The following MAP3K7 variants were observed in gnomAD, a reference collection of about 807,000 sequenced individuals.
MAP3K7 encodes the protein TGF-beta activated kinase 1.
Under a neutral mutation model 84.8 loss-of-function variants are expected in MAP3K7, and 21 were observed. The ratio of observed to expected loss-of-function variants is 0.25; its 90% CI spans 0.18 to 0.36. The LOEUF (loss-of-function observed/expected upper bound fraction) is 0.36. Ranked by LOEUF, MAP3K7 falls within the 10% of genes least tolerant of loss-of-function variation. MAP3K7 has a pLI of 1.00. For missense variants in MAP3K7, 503 were observed against 747.7 expected, an observed-to-expected ratio of 0.67 and a Z score of 3.82; for synonymous variants, 241 against 247.7, an observed-to-expected ratio of 0.97 and a Z score of 0.25.
In MAP3K7 at chr6:90,516,390, A is replaced by T; in HGVS notation, c.*111T>A. Reference sequence around the variant, plus strand: ...AATGCAGCAAATATAGGCAGTTGGCATTCAGAACACGCCAAAAAGCTAACA... The same window carrying T: ...AATGCAGCAAATATAGGCAGTTGGCTTTCAGAACACGCCAAAAAGCTAACA... On this transcript the variant is annotated 3_prime_UTR_variant, in exon 17 of 17. Transcript: ENST00000369329. 1 of 1,103,110 alleles carries T rather than the reference A, an allele frequency of 9.1e-7. No homozygotes were observed. Among genetic ancestry groups the T allele is most frequent in the Non-Finnish European group, 1.3e-6 (1 of 747,552 alleles). 68.3% of individuals were successfully genotyped at this position (1,103,110 alleles called of 1,614,324 possible).
chr6:90,569,754 T>C (rs2127984293), intron 2 of MAP3K7, among the ~76,000 whole-genome samples: 1 of 152,266 alleles, frequency 6.6e-6, no homozygotes, highest in Non-Finnish European at 1.5e-5. Context: ...GGATTACAGA[T>C]GTGAACCATC....
intron 13 of MAP3K7, among the ~76,000 whole-genome samples, chr6:90,524,156 T>C (rs1464866811): frequency 6.6e-6 from 1 of 151,982 alleles, no homozygotes; most frequent in Non-Finnish European, 1.5e-5. Context: ...CTTTGTAGGA[T>C]GGAAGTAAGA....
chr6:90,575,276 CACTT>C (rs1346246321), intron 1 of MAP3K7, among the ~76,000 whole-genome samples: 3 of 152,134 alleles, frequency 2.0e-5, no homozygotes, highest in East Asian at 1.9e-4. Context: ...AACTTTTAAA[CACTT>C]ACCAGCTGAA....
intron 3 of MAP3K7, among the ~76,000 whole-genome samples, chr6:90,567,011 T>C (rs148752943): frequency 0.07 from 10,704 of 152,254 alleles, 366 homozygotes; most frequent in South Asian, 0.092. Flanking sequence ...GCTAGCCTTA[T>C]GTAGAAAGCT....
chr6:90,560,015 G>C, intron 5 of MAP3K7, 61 bp downstream of exon 5: 1 of 1,592,790 alleles, frequency 6.3e-7, no homozygotes, highest in African/African-American at 1.3e-5. Context: ...GTGGGTTCGG[G>C]GTGGTGAGAG....
rs201660449 is a variant in MAP3K7 at position 90,552,066 on chromosome 6, T to C, written c.850A>G (p.Met284Val). The C allele has an allele frequency of 1.1e-5, 18 of 1,610,694 alleles. 1 individual carries two copies. The highest frequency in any genetic ancestry group is 1.6e-4 in the Middle Eastern group (1 of 6,076). The stretch of plus-strand genomic sequence containing the variant: ...GATTATACCCGCATCAAGTGAGTCA[T>C]TATTTTCACAATTTCCTCCATTGAA... ...RPSMEEIVKIMTHLMRYFPGA... is the reference protein window; with the variant it reads ...RPSMEEIVKIVTHLMRYFPGA... Residue 284 changes from methionine (M) to valine (V), a missense_variant, in exon 8 of 17, where the codon ATG becomes GTG. By Grantham distance (21) the Met-to-Val change is conservative. This residue lies in a region of MAP3K7 where 286 missense variants were observed against 313.6 expected (regional missense o/e 0.91). Transcript: ENST00000369329.
chr6:90,557,411 G>A (rs900711314), intron 5 of MAP3K7, among the ~76,000 whole-genome samples: 2 of 152,048 alleles, frequency 1.3e-5, no homozygotes, highest in African/African-American at 4.8e-5. Flanking sequence ...TTTTACATCT[G>A]GAGAGACTAT....
chr6:90,567,075 A>G (rs1164441672), intron 3 of MAP3K7, among the ~76,000 whole-genome samples: 1 of 152,216 alleles, frequency 6.6e-6, no homozygotes. Context: ...AGATGGATTA[A>G]AGACTTAAAT....
At chr6:90,566,355 T>A (rs2127982149) in intron 3 of MAP3K7, among the ~76,000 whole-genome samples, 1 of 152,338 alleles carries the variant, frequency 6.6e-6, no homozygotes, top group Admixed American at 6.5e-5. Flanking sequence ...ATAAGCAACT[T>A]CAGCAAAGTC....
At chr6:90,569,045 T>C (rs972458861) in intron 2 of MAP3K7, among the ~76,000 whole-genome samples, 2 of 152,206 alleles carry the variant, frequency 1.3e-5, no homozygotes, top group Non-Finnish European at 2.9e-5. Flanking sequence ...ATAGCTATAG[T>C]TGAACAGTCT....
chr6:90,520,591 A>G (rs1237307512), intron 14 of MAP3K7, among the ~76,000 whole-genome samples: 1 of 152,034 alleles, frequency 6.6e-6, no homozygotes, highest in African/African-American at 2.4e-5. Context: ...AATTTAAAAT[A>G]GTATAGTATG....
intron 1 of MAP3K7, among the ~76,000 whole-genome samples, chr6:90,578,957 C>T (rs1320471145): frequency 6.6e-6 from 1 of 152,134 alleles, no homozygotes; most frequent in Non-Finnish European, 1.5e-5. Context: ...TCACCATAAA[C>T]CCATGAATAT....
chr6:90,564,672 G>T (rs983606355), intron 3 of MAP3K7, among the ~76,000 whole-genome samples: 1 of 152,168 alleles, frequency 6.6e-6, no homozygotes, highest in Admixed American at 6.5e-5. Flanking sequence ...GAGACAGAAA[G>T]TTAACAAGGA....
At chr6:90,543,774 A>G (rs1775921831) in intron 12 of MAP3K7, among the ~76,000 whole-genome samples, 1 of 152,086 alleles carries the variant, frequency 6.6e-6, no homozygotes, top group East Asian at 1.9e-4. Context: ...AATAAATGAT[A>G]ATTTTGATAA....
intron 12 of MAP3K7, chr6:90,542,576 A>G: frequency 1.3e-6 from 1 of 751,714 alleles, no homozygotes; most frequent in Non-Finnish European, 1.6e-6. Context: ...TGACTTAAAC[A>G]AAAGAACAAA....
intron 1 of MAP3K7, among the ~76,000 whole-genome samples, chr6:90,576,421 A>C (rs80233533): frequency 1.4e-4 from 2 of 14,446 alleles, no homozygotes; most frequent in Non-Finnish European, 2.4e-4. Context: ...AGACTCTGTC[A>C]CACACACACA....
At chr6:90,536,197 T>C in intron 13 of MAP3K7, 140 bp downstream of exon 13, 1 of 584,940 alleles carries the variant, frequency 1.7e-6, no homozygotes, top group Non-Finnish European at 3.0e-6. Flanking sequence ...CCCCCCTAAG[T>C]ATTTAAGTTC....
intron 6 of MAP3K7, among the ~76,000 whole-genome samples, chr6:90,555,530 C>T (rs1776309168): frequency 6.6e-6 from 1 of 152,236 alleles, no homozygotes; most frequent in Non-Finnish European, 1.5e-5. Context: ...GCTGAGATTA[C>T]AGGCCTGAGC....
intron 12 of MAP3K7, chr6:90,537,350 G>A (rs1220806781): frequency 2.0e-5 from 3 of 151,944 alleles, no homozygotes; most frequent in Non-Finnish European, 4.4e-5. Context: ...GTAGTTTCCC[G>A]ATTAGTAGAC....
Sources: allele counts gnomAD v4.1 joint callset (sites outside exome capture counted in the v4.1 genomes callset), GRCh38; gene constraint gnomAD v4.1.1; regional missense constraint gnomAD v4.1.1; transcripts MANE v1.5; gene names NCBI Gene and HGNC (gene_info 2026-07-23, HGNC 2026-07-21).